MYO7B: variants seen among roughly 807,000 people sequenced by gnomAD.
MYO7B encodes unconventional myosin-VIIb.
In MYO7B, 212 loss-of-function variants were observed where a neutral mutation model predicts 259.7. That is an observed-to-expected ratio of 0.82 (90% CI 0.73 to 0.91). The LOEUF (loss-of-function observed/expected upper bound fraction) is 0.91. MYO7B is among the 40% of genes least tolerant of loss of function. The probability of loss-of-function intolerance (pLI) is 0.00; values close to 1 mark genes in which losing one functional copy is unlikely to be tolerated. For synonymous variants in MYO7B, 1,197 were observed against 1,166.4 expected, an observed-to-expected ratio of 1.03 and a Z score of -0.54; for missense variants, 2,732 against 2,813.5, an observed-to-expected ratio of 0.97 and a Z score of 0.66.
Position 127,539,386 on chromosome 2 carries a change from T to C in MYO7B, c.-24+3555T>C, listed in dbSNP as rs1407435311. Among the ~76,000 whole-genome samples, 1 of 152,154 alleles carries C rather than the reference T, an allele frequency of 6.6e-6. No homozygotes were observed. Among genetic ancestry groups the C allele is most frequent in the African/African-American group, 2.4e-5 (1 of 41,426 alleles). ...ACTTCCAGATAGTCACGCACAAAAC[T>C]ATGCAGTAAAGATTAATAATGTTCT... On this transcript the variant is annotated intron_variant, in intron 1 of 47. Coordinates refer to ENST00000409816, the MANE Select transcript of MYO7B (RefSeq NM_001393586.1). This position sits in a 1 kb window ranked among gnomAD's most constrained non-coding sequence, Gnocchi z 4.0.
At chr2:127,540,411 G>A (rs1001831669) in intron 1 of MYO7B, among the ~76,000 whole-genome samples, 5 of 152,180 alleles carry the variant, frequency 3.3e-5, no homozygotes, top group Admixed American at 6.5e-5. Flanking sequence ...TGATCCACCC[G>A]CCTCGGCCTC....
chr2:127,585,866 C>T lies in MYO7B; in HGVS notation c.1690+953C>T, dbSNP rs752775526. Among the ~76,000 whole-genome samples the T allele has an allele frequency of 5.3e-5, 8 of 152,314 alleles. No individual in the cohort carries two copies. The highest frequency in any genetic ancestry group is 1.9e-4 in the East Asian group (1 of 5,190). On this transcript the variant is annotated intron_variant, in intron 14 of 47. Transcript: ENST00000409816. The surrounding 1 kb of genome is among the most constrained non-coding windows in gnomAD (Gnocchi z 4.3). ...TTCATATGCTTCTTGGCCATTTGCA[C>T]GTCTTCTTTGGAGGGATGTCTATTT...
intron 16 of MYO7B, among the ~76,000 whole-genome samples, chr2:127,591,710 G>A (rs1439298896): frequency 6.6e-6 from 1 of 152,196 alleles, no homozygotes. Context: ...ATCAGAGGGC[G>A]TTCCCCAGGG....
In MYO7B at chr2:127,592,787, C is replaced by A; in HGVS notation, c.1993-7C>A. 1 of 1,607,448 alleles carries A rather than the reference C, an allele frequency of 6.2e-7. No homozygotes were observed. Among genetic ancestry groups the A allele is most frequent in the Admixed American group, 1.7e-5 (1 of 59,444 alleles). On this transcript the variant is annotated splice_region_variant and splice_polypyrimidine_tract_variant and intron_variant, in intron 16 of 47. Transcript: ENST00000409816. ...GCGCTGGGTCAGCGCCCGGTGTCCG[C>A]CCACAGCTGTTCGACCGGGAGCTGT... is the stretch of plus-strand genomic sequence containing the variant.
At chr2:127,564,111 A>G in intron 2 of MYO7B, 42 bp from the exon 3 acceptor site, 1 of 1,355,740 alleles carries the variant, frequency 7.4e-7, no homozygotes, top group South Asian at 1.3e-5. Context: ...GGAGGGGAAG[A>G]GAGAGCGGGG....
chr2:127,560,348 C>A (rs534889424), intron 2 of MYO7B, among the ~76,000 whole-genome samples: 1 of 152,096 alleles, frequency 6.6e-6, no homozygotes, highest in Non-Finnish European at 1.5e-5. Flanking sequence ...TGCCTCATTG[C>A]GGCAGTTGCC....
At chr2:127,579,579 TTTG>T (rs1390815991) in intron 9 of MYO7B, among the ~76,000 whole-genome samples, 2 of 143,486 alleles carry the variant, frequency 1.4e-5, no homozygotes, top group Admixed American at 6.7e-5. Flanking sequence ...ATAACATTTG[TTTG>T]TTTGTTTGTT....
intron 9 of MYO7B, among the ~76,000 whole-genome samples, chr2:127,579,931 G>A (rs564856069): frequency 6.6e-6 from 1 of 152,234 alleles, no homozygotes; most frequent in East Asian, 1.9e-4. Context: ...GCTGTTTAGG[G>A]ACTCTATGTA....
At chr2:127,624,781 T>A (rs946612939) in intron 30 of MYO7B, among the ~76,000 whole-genome samples, 5 of 152,120 alleles carry the variant, frequency 3.3e-5, no homozygotes, top group Non-Finnish European at 7.4e-5. Flanking sequence ...AGCTCTTTTG[T>A]AGGGGATTGT....
rs1265191280 is a variant in MYO7B at position 127,608,614 on chromosome 2, G to A, written c.2644-94G>A. ...ATGATGGCAGGATGAGGCTTACTTGGCTTCTGGGAGGTGCTTGCCCTGTGG... is the reference window on the plus strand; with the variant it reads ...ATGATGGCAGGATGAGGCTTACTTGACTTCTGGGAGGTGCTTGCCCTGTGG... On this transcript the variant is annotated intron_variant, in intron 21 of 47. Coordinates refer to ENST00000409816, the MANE Select transcript of MYO7B (RefSeq NM_001393586.1). 3 of 1,365,920 alleles carry A rather than the reference G, an allele frequency of 2.2e-6. No homozygotes were observed. The Admixed American group carries it at 7.8e-5, about 36-fold the overall frequency. The allele number at this position is 1,365,920 out of a possible 1,614,324, so 84.6% of individuals were successfully genotyped here.
At chr2:127,549,262 C>A (rs924419086) in intron 1 of MYO7B, among the ~76,000 whole-genome samples, 1 of 152,104 alleles carries the variant, frequency 6.6e-6, no homozygotes. Flanking sequence ...ACTAACCCAA[C>A]CCTTTCTTTT....
rs776602681 is a variant in MYO7B at position 127,569,760 on chromosome 2, C to T, written c.471-29C>T. On this transcript the variant is annotated intron_variant, in intron 5 of 47. Coordinates refer to ENST00000409816, the MANE Select transcript of MYO7B (RefSeq NM_001393586.1). ...GTTGAAAAAAATAGTCGTTTTGTGG[C>T]ATCATGTCCCTGCACACCCTTTTTG... The T allele has an allele frequency of 1.9e-6, 3 of 1,589,388 alleles. No homozygotes were observed. In the East Asian group the frequency reaches 6.8e-5, roughly 36 times the overall value.
intron 1 of MYO7B, among the ~76,000 whole-genome samples, chr2:127,540,388 T>A (rs1692957827): frequency 6.6e-6 from 1 of 152,220 alleles, no homozygotes; most frequent in Non-Finnish European, 1.5e-5. Context: ...GGTCTCGAAC[T>A]CCTGACCTCA....
intron 12 of MYO7B, among the ~76,000 whole-genome samples, chr2:127,583,375 G>A (rs551288000): frequency 6.6e-6 from 1 of 152,368 alleles, no homozygotes; most frequent in African/African-American, 2.4e-5. Context: ...GGGGGTGCAG[G>A]GCAGGTGCCT....
intron 6 of MYO7B, among the ~76,000 whole-genome samples, chr2:127,571,294 T>C (rs894531503): frequency 2.6e-5 from 4 of 152,148 alleles, no homozygotes; most frequent in African/African-American, 4.8e-5. Context: ...GGAGCATGCT[T>C]GTAACTCCCG....
rs1333072653 is a variant in MYO7B, at chr2:127,627,609, T to G, written c.4460+299T>G. On this transcript the variant is annotated intron_variant, in intron 33 of 47. Coordinates refer to ENST00000409816, the MANE Select transcript of MYO7B (RefSeq NM_001393586.1). The surrounding 1 kb of genome is among the most constrained non-coding windows in gnomAD (Gnocchi z 5.6). ...CGTGCAGCCTCTGGCGGGCACTTAT[T>G]TAGAAGGCTCCTTTCTTTGTCATGG... 1 of 520,550 alleles carries G rather than the reference T, an allele frequency of 1.9e-6. No individual in the cohort carries two copies. The highest frequency in any genetic ancestry group is 3.7e-6 in the Non-Finnish European group (1 of 269,606). The allele number at this position is 520,550 out of a possible 1,614,324, so 32.2% of individuals were successfully genotyped here. A position where few individuals can be genotyped will look rare whatever the true frequency, so the allele number is the denominator to read the frequency against.
In MYO7B at chr2:127,626,960, AG is replaced by A. The variant is rs1681161423; in HGVS notation, c.4216-13del. 1.3e-6 allele frequency: 2 copies of A among 1,599,578 alleles called. No individual in the cohort carries two copies. The highest frequency in any genetic ancestry group is 1.7e-6 in the Non-Finnish European group (2 of 1,171,598). On this transcript the variant is annotated splice_polypyrimidine_tract_variant and intron_variant, in intron 31 of 47. Transcript: ENST00000409816. The stretch of plus-strand genomic sequence containing the variant: ...AAGGCAGGTGACGGAGGTGACATCC[AG>A]GATCCCCCCTCAGGCCCCATACACT...
Position 127,593,527 on chromosome 2 carries a change from C to G in MYO7B, c.2146-19C>G. On this transcript the variant is annotated intron_variant, in intron 17 of 47. Transcript: ENST00000409816. ...TCTCTGCCCCACCTCCCACCGATACCCCCGTTTGGTCTTGGCAGCTGCAAG... is the reference window on the plus strand; with the variant it reads ...TCTCTGCCCCACCTCCCACCGATACGCCCGTTTGGTCTTGGCAGCTGCAAG... The G allele has an allele frequency of 6.2e-7, 1 of 1,610,692 alleles. No homozygotes were observed. Among genetic ancestry groups the G allele is most frequent in the Non-Finnish European group, 8.5e-7 (1 of 1,177,998 alleles).
At chr2:127,548,666 G>A (rs542765399) in intron 1 of MYO7B, among the ~76,000 whole-genome samples, 1 of 151,898 alleles carries the variant, frequency 6.6e-6, no homozygotes, top group East Asian at 1.9e-4. Flanking sequence ...CACCCGCCTC[G>A]GCCTCCCAAA....
Sources: allele counts gnomAD v4.1 joint callset (sites outside exome capture counted in the v4.1 genomes callset), GRCh38; gene constraint gnomAD v4.1.1; non-coding constraint Gnocchi (gnomAD v3.1); transcripts MANE v1.5; gene names NCBI Gene and HGNC (gene_info 2026-07-23, HGNC 2026-07-21).